Variants in RARB observed in about 807,000 individuals in gnomAD.
RARB encodes the protein HBV-activated protein.
In RARB, 17 loss-of-function variants were observed where a neutral mutation model predicts 51.9. The observed-to-expected ratio is 0.33, with a 90% CI of 0.22 to 0.49. The LOEUF (loss-of-function observed/expected upper bound fraction) is 0.49, where lower values mean the gene tolerates loss of function less well. Among genes scored for constraint, RARB ranks in the 20% least tolerant of loss-of-function variants. The pLI is 0.99. For missense variants in RARB, 369 were observed against 550.8 expected (o/e 0.67, Z 3.30); for synonymous variants, 215 against 195.4 (o/e 1.10, Z -0.84).
chr3:25,151,418 C>T (rs899799547), intron 4 of RARB, among the ~76,000 whole-genome samples: 1 of 152,200 alleles, frequency 6.6e-6, no homozygotes, highest in Admixed American at 6.5e-5. Flanking sequence ...CAGGGAAAGA[C>T]ATTAAGTTTC....
At chr3:25,044,102 C>G (rs142100005) in intron 2 of RARB, among the ~76,000 whole-genome samples, 13 of 152,048 alleles carry the variant, frequency 8.5e-5, no homozygotes, top group African/African-American at 3.1e-4. Flanking sequence ...AGAAGGTAAA[C>G]AAGTTCAGGG....
chr3:25,463,737 C>A (rs1297719008), intron 2 of RARB, among the ~76,000 whole-genome samples: 1 of 151,594 alleles, frequency 6.6e-6, no homozygotes, highest in Non-Finnish European at 1.5e-5. Context: ...TTTTTCCCTT[C>A]TTTTCAAACC....
At chr3:24,964,531 T>A (rs761299134) in intron 2 of RARB, among the ~76,000 whole-genome samples, 12 of 152,176 alleles carry the variant, frequency 7.9e-5, no homozygotes, top group Non-Finnish European at 1.6e-4. Context: ...AAACTTTAGA[T>A]CCTGAAAGCA....
At chr3:25,508,546 G>T (rs1240535590) in intron 3 of RARB, among the ~76,000 whole-genome samples, 1 of 152,200 alleles carries the variant, frequency 6.6e-6, no homozygotes, top group Non-Finnish European at 1.5e-5. Context: ...ATTGTAGGTT[G>T]CACTGTGTAG....
Position 25,339,684 on chromosome 3 carries a change from C to T in RARB, c.179-121509C>T, listed in dbSNP as rs576116587. Among the ~76,000 whole-genome samples, 32 of 151,612 alleles carry T rather than the reference C, an allele frequency of 2.1e-4. 1 individual carries two copies. In the East Asian group the frequency reaches 3.7e-3, roughly 18 times the overall value. ...CATACACCCACAAAGGCACAGGGAT[C>T]TTGCTCTCTTGGATCCTGTGTTATA... On this transcript the variant is annotated intron_variant, in intron 5 of 11. Transcript: ENST00000383772.
intron 3 of RARB, among the ~76,000 whole-genome samples, chr3:25,064,998 G>C (rs1016542584): frequency 1.3e-5 from 2 of 152,244 alleles, no homozygotes; most frequent in South Asian, 4.1e-4. Flanking sequence ...TCGTGCATAG[G>C]AGTAAGGCAA....
At chr3:24,833,022 C>G (rs1323587655) in intron 1 of RARB, 2 of 152,194 alleles carry the variant, frequency 1.3e-5, no homozygotes, top group African/African-American at 4.8e-5. Flanking sequence ...TGAGGCTTGT[C>G]TGCACATGTT....
intron 5 of RARB, among the ~76,000 whole-genome samples, chr3:25,210,232 C>G (rs12495670): frequency 1.3e-5 from 2 of 152,168 alleles, no homozygotes; most frequent in Non-Finnish European, 2.9e-5. Flanking sequence ...TTAGTGAATT[C>G]TGGAGAAAAT....
intron 5 of RARB, among the ~76,000 whole-genome samples, chr3:25,293,467 AT>A (rs1703837377): frequency 6.6e-6 from 1 of 152,042 alleles, no homozygotes; most frequent in African/African-American, 2.4e-5. Context: ...AGTTGATGCT[AT>A]TGTATTGTTG....
intron 2 of RARB, among the ~76,000 whole-genome samples, chr3:25,006,529 C>T (rs372254851): frequency 2.0e-5 from 3 of 152,172 alleles, no homozygotes; most frequent in Non-Finnish European, 2.9e-5. Flanking sequence ...TTTGGGAACA[C>T]GGAGACAGGT....
rs9845720 is a variant in RARB, at chr3:25,194,900, C to A, written c.178+20325C>A. Among the ~76,000 whole-genome samples, 728 of 152,014 alleles carry A rather than the reference C, an allele frequency of 4.8e-3. 7 individuals are homozygous for A. Among genetic ancestry groups the A allele is most frequent in the African/African-American group, 0.016 (679 of 41,502 alleles). On this transcript the variant is annotated intron_variant, in intron 5 of 11. Transcript: ENST00000383772. ...GTGACATTCTCTTCTTTTCCTGGCT[C>A]TGCTTTTCAAAGCATGCTTGAAAGA...
intron 3 of RARB, among the ~76,000 whole-genome samples, chr3:25,086,995 T>C (rs1699117309): frequency 6.6e-6 from 1 of 152,160 alleles, no homozygotes; most frequent in Non-Finnish European, 1.5e-5. Flanking sequence ...CTCTACAGAA[T>C]GTTGATTTTT....
At chr3:25,246,743 A>G (rs2125399345) in intron 5 of RARB, among the ~76,000 whole-genome samples, 1 of 152,176 alleles carries the variant, frequency 6.6e-6, no homozygotes, top group Non-Finnish European at 1.5e-5. Flanking sequence ...CTCTCTTCTA[A>G]GAGGTGTCTG....
At chr3:25,473,642 G>A (rs1341432663) in intron 2 of RARB, among the ~76,000 whole-genome samples, 3 of 152,110 alleles carry the variant, frequency 2.0e-5, no homozygotes, top group Non-Finnish European at 4.4e-5. Context: ...AGTCAAGGTG[G>A]CCCGTCTGCC....
At chr3:25,540,547 T>G (rs1699332600) in intron 3 of RARB, among the ~76,000 whole-genome samples, 1 of 152,224 alleles carries the variant, frequency 6.6e-6, no homozygotes, top group South Asian at 2.1e-4. Flanking sequence ...CTCTCTACTG[T>G]GAGTTTTGTG....
At chr3:25,020,688 T>C (rs1697617650) in intron 2 of RARB, among the ~76,000 whole-genome samples, 2 of 152,052 alleles carry the variant, frequency 1.3e-5, no homozygotes, top group South Asian at 4.1e-4. Flanking sequence ...TCAAAAGTAA[T>C]AGAGCAGTGC....
chr3:25,354,186 G>A (rs975047573), intron 5 of RARB, among the ~76,000 whole-genome samples: 9 of 151,994 alleles, frequency 5.9e-5, no homozygotes, highest in African/African-American at 1.2e-4. Context: ...ACTGCCTGGC[G>A]GTAAACTTCA....
intron 5 of RARB, among the ~76,000 whole-genome samples, chr3:25,375,045 C>CA (rs113882109): frequency 0.035 from 5,295 of 152,090 alleles, 119 homozygotes; most frequent in Middle Eastern, 0.065. Context: ...AAACTTAAAG[C>CA]GAGAGAAATA....
intron 5 of RARB, among the ~76,000 whole-genome samples, chr3:25,292,401 T>A (rs1703810961): frequency 6.6e-6 from 1 of 152,150 alleles, no homozygotes; most frequent in African/African-American, 2.4e-5. Context: ...GGCAGGGACA[T>A]GTCACTAAGT....
Sources: gnomAD v4.1 joint callset for allele counts (sites outside exome capture counted in the v4.1 genomes callset) on GRCh38, gnomAD v4.1.1 for gene constraint, MANE v1.5 for transcripts, NCBI Gene and HGNC (gene_info 2026-07-23, HGNC 2026-07-21) for gene names.